The following LIPC variants were observed in gnomAD, a reference collection of about 807,000 sequenced individuals.
LIPC encodes the protein hepatic triacylglycerol lipase.
LIPC carries 44 observed loss-of-function variants against 50.7 expected under a neutral mutation model. The observed-to-expected ratio is 0.87, with a 90% CI of 0.68 to 1.11. The LOEUF is 1.11. Among genes scored for constraint, LIPC ranks in the 50% most tolerant of loss-of-function variants. The pLI, the probability that LIPC is intolerant of heterozygous loss-of-function variation, is 0.00. For synonymous variants in LIPC, 271 were observed against 256.4 expected (o/e 1.06, Z -0.54); for missense variants, 697 against 648.2 (o/e 1.08, Z -0.82).
rs938878929 is a variant in LIPC at position 58,527,264 on chromosome 15, A to G, written c.89-11069A>G. Among the ~76,000 whole-genome samples, 3 of 152,102 alleles carry G rather than the reference A, an allele frequency of 2.0e-5. No homozygotes were observed. The South Asian group carries it at 6.2e-4, about 32-fold the overall frequency. On this transcript the variant is annotated intron_variant, in intron 1 of 8. Transcript: ENST00000299022. ...TCACTGAACCCCTCCTTATTTCTTC[A>G]TGAGGAAATTAACATGCCTAGGATA...
At chr15:58,475,872 T>C (rs557577529) in intron 1 of LIPC, among the ~76,000 whole-genome samples, 1 of 152,348 alleles carries the variant, frequency 6.6e-6, no homozygotes, top group Admixed American at 6.5e-5. Context: ...GCATTTCCTA[T>C]GTGCCAGGAA....
At chr15:58,550,338 A>C (rs1462275470) in intron 6 of LIPC, among the ~76,000 whole-genome samples, 1 of 152,158 alleles carries the variant, frequency 6.6e-6, no homozygotes, top group African/African-American at 2.4e-5. Flanking sequence ...GCCCTAGGAC[A>C]TCTACTGGGG....
In LIPC at chr15:58,432,045, C is replaced by CCCCT. The variant is rs769006323; in HGVS notation, c.14_17dup (p.Cys7ProfsTer35). 1.2e-6 allele frequency: 2 copies of CCCCT among 1,612,738 alleles called. No homozygotes were observed. The highest frequency in any genetic ancestry group is 3.3e-5 in the Admixed American group (2 of 60,022). ...GTGAAACGGAGAAATGGACACAAGT[C>CCCCT]CCCTGTGTTTCTCCATTCTGTTGGT... On this transcript the variant is annotated frameshift_variant, in exon 1 of 9. Transcript: ENST00000299022. LOFTEE classifies it high-confidence loss of function.
chr15:58,474,446 G>C (rs1890913430), intron 1 of LIPC, among the ~76,000 whole-genome samples: 1 of 149,982 alleles, frequency 6.7e-6, no homozygotes, highest in African/African-American at 2.5e-5. Flanking sequence ...AGAAGGTCAA[G>C]GCTGCAGTGA....
chr15:58,453,974 A>T (rs1305453537), intron 1 of LIPC, among the ~76,000 whole-genome samples: 1 of 152,218 alleles, frequency 6.6e-6, no homozygotes, highest in African/African-American at 2.4e-5. Flanking sequence ...GCTATTTGCA[A>T]TGCGTCTTCA....
chr15:58,515,533 C>CACACAT (rs147594972), intron 1 of LIPC, among the ~76,000 whole-genome samples: 1,453 of 141,708 alleles, frequency 0.01, 29 homozygotes, highest in African/African-American at 0.036. Flanking sequence ...TATACACACA[C>CACACAT]ATATATATAT....
rs576374639 is a variant in LIPC, at chr15:58,482,428, T to C, written c.88+50308T>C. On this transcript the variant is annotated intron_variant, in intron 1 of 8. Coordinates refer to ENST00000299022, the MANE Select transcript of LIPC (RefSeq NM_000236.3). ...CGTGTATGGAGTGGTGAAAAAGAGT[T>C]CCTTGGGCTTTGGAGTCAGACAAAC... Among the ~76,000 whole-genome samples, 3 of 152,136 alleles carry C rather than the reference T, an allele frequency of 2.0e-5. No homozygotes were observed. In the South Asian group the frequency reaches 6.2e-4, roughly 32 times the overall value.
intron 8 of LIPC, chr15:58,564,156 C>CTCTCTCTCTT (rs1430312885): frequency 5.0e-6 from 1 of 200,392 alleles, no homozygotes; most frequent in East Asian, 1.1e-4. Context: ...CGATGTATCT[C>CTCTCTCTCTT]TCTCTCTCTC....
chr15:58,455,246 C>T (rs1443925577), intron 1 of LIPC, among the ~76,000 whole-genome samples: 1 of 152,222 alleles, frequency 6.6e-6, no homozygotes, highest in African/African-American at 2.4e-5. Flanking sequence ...AAATATTTTT[C>T]CTTTTGTAGG....
intron 1 of LIPC, among the ~76,000 whole-genome samples, chr15:58,501,858 C>A (rs1310602498): frequency 6.6e-6 from 1 of 152,126 alleles, no homozygotes; most frequent in Non-Finnish European, 1.5e-5. Context: ...TGCCTCTCCA[C>A]CCTTCAGGAA....
chr15:58,499,950 G>A (rs1469761174), intron 1 of LIPC, among the ~76,000 whole-genome samples: 4 of 152,160 alleles, frequency 2.6e-5, no homozygotes, highest in Non-Finnish European at 5.9e-5. Flanking sequence ...TAGAAGACAT[G>A]AGTTGGGGAG....
rs1400125889 is a variant in LIPC at position 58,529,253 on chromosome 15, G to A, written c.89-9080G>A. ...TAAGCCAAGATCTCTCATGGCAAGA[G>A]CAGCTGAAGGGCCTGTGATTGTCCA... On this transcript the variant is annotated intron_variant, in intron 1 of 8. Transcript: ENST00000299022. 2.6e-5 allele frequency among the ~76,000 whole-genome samples: 4 copies of A among 152,222 alleles called. No individual in the cohort carries two copies. The South Asian group carries it at 6.2e-4, about 24-fold the overall frequency.
intron 4 of LIPC, among the ~76,000 whole-genome samples, chr15:58,543,542 A>T (rs1893413131): frequency 6.6e-6 from 1 of 152,052 alleles, no homozygotes; most frequent in African/African-American, 2.4e-5. Flanking sequence ...ATCCTTCAAG[A>T]CCCAGCAGGC....
At chr15:58,564,282 G>A (rs1272783147) in intron 8 of LIPC, among the ~76,000 whole-genome samples, 1 of 151,930 alleles carries the variant, frequency 6.6e-6, no homozygotes, top group Non-Finnish European at 1.5e-5. Context: ...TTGGGAAGGG[G>A]TCCAGGATGC....
chr15:58,567,338 T>C (rs1176942811), intron 8 of LIPC, among the ~76,000 whole-genome samples: 14 of 15,956 alleles, frequency 8.8e-4, no homozygotes, highest in Admixed American at 3.8e-3. Flanking sequence ...TATATATATA[T>C]GTATATGTAT....
chr15:58,516,101 G>A (rs1892478501), intron 1 of LIPC, among the ~76,000 whole-genome samples: 1 of 152,126 alleles, frequency 6.6e-6, no homozygotes, highest in Non-Finnish European at 1.5e-5. Flanking sequence ...AAGGCAATGG[G>A]ATTTTCTGCG....
At chr15:58,524,675 T>C (rs1443409867) in intron 1 of LIPC, among the ~76,000 whole-genome samples, 2 of 152,198 alleles carry the variant, frequency 1.3e-5, no homozygotes, top group African/African-American at 4.8e-5. Context: ...TGAGGATCTT[T>C]TCATATGTCA....
intron 7 of LIPC, 107 bp from the exon 8 acceptor site, chr15:58,563,398 A>G (rs1894235038): frequency 1.0e-6 from 1 of 957,380 alleles, no homozygotes; most frequent in Non-Finnish European, 1.6e-6. Flanking sequence ...AAATGCAGCA[A>G]AAATCCCAAG....
intron 1 of LIPC, among the ~76,000 whole-genome samples, chr15:58,453,606 G>C (rs1406593149): frequency 6.6e-6 from 1 of 152,098 alleles, no homozygotes; most frequent in Non-Finnish European, 1.5e-5. Context: ...TCATTACAGA[G>C]TGTGGGTTCC....
Sources: allele counts gnomAD v4.1 joint callset (sites outside exome capture counted in the v4.1 genomes callset), GRCh38; gene constraint gnomAD v4.1.1; transcripts MANE v1.5; gene names NCBI Gene and HGNC (gene_info 2026-07-23, HGNC 2026-07-21).